The following ABCC1 variants were observed in gnomAD, a reference collection of about 807,000 sequenced individuals.
ABCC1 encodes the protein multidrug resistance-associated protein 1.
ABCC1 carries 83 observed loss-of-function variants against 172.9 expected under a neutral mutation model. The ratio of observed to expected loss-of-function variants is 0.48; its 90% CI spans 0.40 to 0.58. The LOEUF (loss-of-function observed/expected upper bound fraction) is 0.58, where lower values mean the gene tolerates loss of function less well. Ranked by LOEUF, ABCC1 falls within the 20% of genes least tolerant of loss-of-function variation. The pLI is 0.00. For synonymous variants in ABCC1, 937 were observed against 825.2 expected, an observed-to-expected ratio of 1.14 and a Z score of -2.32; for missense variants, 1,817 against 2,002.7, an observed-to-expected ratio of 0.91 and a Z score of 1.77.
At chr16:15,981,919 T>C (rs2046629099) in intron 1 of ABCC1, among the ~76,000 whole-genome samples, 1 of 152,206 alleles carries the variant, frequency 6.6e-6, no homozygotes, top group Admixed American at 6.5e-5. Context: ...AAATCATCTC[T>C]CTCAAGTTCT....
intron 5 of ABCC1, among the ~76,000 whole-genome samples, chr16:16,017,341 C>T (rs1339811622): frequency 6.6e-6 from 1 of 151,710 alleles, no homozygotes; most frequent in Non-Finnish European, 1.5e-5. Context: ...AGCAATCTTC[C>T]TACCTCAGCT....
intron 26 of ABCC1, among the ~76,000 whole-genome samples, chr16:16,131,231 A>C (rs1596550548): frequency 6.6e-6 from 1 of 152,344 alleles, no homozygotes; most frequent in South Asian, 2.1e-4. Context: ...ACTATGGTCC[A>C]TTGAGCCATT....
chr16:16,075,164 C>T (rs1300115566), intron 14 of ABCC1, among the ~76,000 whole-genome samples: 1 of 151,848 alleles, frequency 6.6e-6, no homozygotes, highest in Non-Finnish European at 1.5e-5. Flanking sequence ...AGGCTGGTCT[C>T]GAACTCCTGA....
chr16:16,111,576 T>C lies in ABCC1; in HGVS notation c.3073T>C (p.Ser1025Pro). The C allele has an allele frequency of 6.2e-7, 1 of 1,612,872 alleles. No homozygotes were observed. Among genetic ancestry groups the C allele is most frequent in the African/African-American group, 1.3e-5 (1 of 75,028 alleles). The change falls in exon 22 of 31, where the codon TCA becomes CCA. Residue 1025 changes from serine (S) to proline (P), a missense_variant. Physicochemically the swap from Ser to Pro is moderately conservative, Grantham distance 74. Coordinates refer to ENST00000399410, the MANE Select transcript of ABCC1 (RefSeq NM_004996.4). ...GAGCGTCTATGGAGCCCTGGGCATT[T>C]CACAAGGTTGGTGCCGCTGTCTCCC... ...RLSVYGALGISQGIAVFGYSM... is the reference protein window; with the variant it reads ...RLSVYGALGIPQGIAVFGYSM...
At chr16:16,116,605 C>G (rs564698864) in intron 23 of ABCC1, among the ~76,000 whole-genome samples, 1 of 152,004 alleles carries the variant, frequency 6.6e-6, no homozygotes, top group South Asian at 2.1e-4. Context: ...CTGTGTCCTT[C>G]AGGCTGGAGT....
chr16:16,069,202 AAAT>A (rs1437738755), intron 13 of ABCC1, among the ~76,000 whole-genome samples: 1 of 110,220 alleles, frequency 9.1e-6, no homozygotes, highest in East Asian at 2.7e-4. Context: ...ATAAATAAAT[AAAT>A]AAATAAATAT....
intron 21 of ABCC1, among the ~76,000 whole-genome samples, chr16:16,109,086 TGAAAACTC>T (rs1175064054): frequency 6.6e-6 from 1 of 152,214 alleles, no homozygotes; most frequent in Non-Finnish European, 1.5e-5. Flanking sequence ...AATGGGGACT[TGAAAACTC>T]AAAAGGAAGC....
At chr16:16,106,311 A>T (rs555734423) in intron 20 of ABCC1, among the ~76,000 whole-genome samples, 2 of 151,530 alleles carry the variant, frequency 1.3e-5, no homozygotes, top group South Asian at 4.2e-4. Context: ...ATCATATGTT[A>T]CATTTTGAAT....
intron 19 of ABCC1, among the ~76,000 whole-genome samples, chr16:16,099,897 A>G (rs1353009577): frequency 1.3e-5 from 2 of 152,186 alleles, no homozygotes; most frequent in Non-Finnish European, 2.9e-5. Context: ...CAGCCTGGCC[A>G]ACATGGTGAA....
At position 16,012,936 on chromosome 16, in the gene ABCC1, G is replaced by A. The variant is rs145316282; in HGVS notation, c.352-1555G>A. ...GGCCTCAGGTGATCCACGTGCCTTG[G>A]CCTCCCAAAGTGCTGGTATTACAGG... On this transcript the variant is annotated intron_variant, in intron 3 of 30. Coordinates refer to ENST00000399410, the MANE Select transcript of ABCC1 (RefSeq NM_004996.4). 5.2e-3 allele frequency among the ~76,000 whole-genome samples: 787 copies of A among 152,194 alleles called. 14 individuals carry two copies. Among genetic ancestry groups the A allele is most frequent in the African/African-American group, 0.018 (759 of 41,510 alleles).
At chr16:15,982,610 G>A (rs954086044) in intron 1 of ABCC1, among the ~76,000 whole-genome samples, 7 of 148,934 alleles carry the variant, frequency 4.7e-5, no homozygotes, top group African/African-American at 1.5e-4. Flanking sequence ...TGAGATTTGG[G>A]TGGGGACACA....
chr16:16,057,350 C>A (rs912898648), intron 12 of ABCC1, among the ~76,000 whole-genome samples: 1 of 149,694 alleles, frequency 6.7e-6, no homozygotes, highest in Non-Finnish European at 1.5e-5. Context: ...CACAGCAAGA[C>A]CCTGTCTCAA....
chr16:16,104,745 C>A (rs145883517), intron 20 of ABCC1, among the ~76,000 whole-genome samples: 1 of 152,120 alleles, frequency 6.6e-6, no homozygotes, highest in Non-Finnish European at 1.5e-5. Context: ...AGGCTCGGGC[C>A]GCGCAGGAGC....
intron 1 of ABCC1, among the ~76,000 whole-genome samples, chr16:15,995,722 C>T (rs957800205): frequency 1.3e-5 from 2 of 152,120 alleles, no homozygotes; most frequent in East Asian, 1.9e-4. Flanking sequence ...GGCTGGAGTT[C>T]GGTGGTGCAG....
In ABCC1 at chr16:15,966,667, T is replaced by TC. The variant is rs71134493; in HGVS notation, c.48+16868_48+16869insC. Among the ~76,000 whole-genome samples, 865 of 151,010 alleles carry TC rather than the reference T, an allele frequency of 5.7e-3. 6 individuals carry two copies. Among genetic ancestry groups the TC allele is most frequent in the Middle Eastern group, 0.027 (8 of 294 alleles). ...TCTCTCTCTCTTTTTTTTTTTTTTT[T>TC]AGAGACAGAGACTCACTCTGTTGCC... On this transcript the variant is annotated intron_variant, in intron 1 of 30. Transcript: ENST00000399410.
At chr16:16,071,176 C>T (rs1260347075) in intron 13 of ABCC1, among the ~76,000 whole-genome samples, 1 of 152,032 alleles carries the variant, frequency 6.6e-6, no homozygotes, top group Non-Finnish European at 1.5e-5. Flanking sequence ...CTCTGCCTTC[C>T]CAGGTTCAAG....
intron 1 of ABCC1, among the ~76,000 whole-genome samples, chr16:15,961,597 A>G (rs962243517): frequency 6.6e-6 from 1 of 152,264 alleles, no homozygotes; most frequent in South Asian, 2.1e-4. Context: ...GTATATGCAA[A>G]TGTATGTGCA....
chr16:16,086,430 T>C (rs896626192), intron 17 of ABCC1, among the ~76,000 whole-genome samples: 2 of 152,166 alleles, frequency 1.3e-5, no homozygotes, highest in African/African-American at 2.4e-5. Flanking sequence ...GGACCTGCTG[T>C]GTCCTGAGCA....
rs773468347 is a variant in ABCC1, at chr16:16,138,351, T to C, written c.4293-13T>C. The C allele has an allele frequency of 9.0e-6, 14 of 1,551,810 alleles. No individual in the cohort carries two copies. In the Admixed American group the frequency reaches 2.2e-4, roughly 24 times the overall value. On this transcript the variant is annotated splice_polypyrimidine_tract_variant and intron_variant, in intron 29 of 30. Transcript: ENST00000399410. ...ACCCAACACTATCTCCTGGTTTTTTTCTTCCGGTCAAGTGTCGGGCAGCGC... is the reference window on the plus strand; with the variant it reads ...ACCCAACACTATCTCCTGGTTTTTTCCTTCCGGTCAAGTGTCGGGCAGCGC...
Sources: allele counts gnomAD v4.1 joint callset (sites outside exome capture counted in the v4.1 genomes callset), GRCh38; gene constraint gnomAD v4.1.1; transcripts MANE v1.5; gene names NCBI Gene and HGNC (gene_info 2026-07-23, HGNC 2026-07-21).